UNC13C: variants seen among roughly 807,000 people sequenced by gnomAD.
UNC13C encodes the protein protein unc-13 homolog C.
Under a neutral mutation model 245.4 loss-of-function variants are expected in UNC13C, and 174 were observed. That is an observed-to-expected ratio of 0.71 (90% CI 0.63 to 0.80). The LOEUF (loss-of-function observed/expected upper bound fraction) is 0.80, where lower values mean the gene tolerates loss of function less well. Ranked by LOEUF, UNC13C falls within the 30% of genes least tolerant of loss-of-function variation. The pLI is 0.00. For synonymous variants in UNC13C, 992 were observed against 895.1 expected (o/e 1.11, Z -1.93); for missense variants, 2,829 against 2,602.9 (o/e 1.09, Z -1.89).
chr15:53,876,024 T>TTTTG, the UNC13C span, among the ~76,000 whole-genome samples: 3 of 152,244 alleles, frequency 2.0e-5, no homozygotes, highest in Non-Finnish European at 4.4e-5. Context: ...TCTAAAGTGC[T>TTTTG]TTTGTTTGGT....
chr15:54,394,315 A>G (rs1404591701), intron 18 of UNC13C, among the ~76,000 whole-genome samples: 2 of 151,600 alleles, frequency 1.3e-5, no homozygotes, highest in East Asian at 3.9e-4. Context: ...TTGCCCTTTC[A>G]CTTTCTTCTC....
chr15:53,866,697 T>C, the UNC13C span, among the ~76,000 whole-genome samples: 1 of 152,224 alleles, frequency 6.6e-6, no homozygotes, highest in Admixed American at 6.5e-5. Context: ...ACATTGAAGC[T>C]ACTGCAAAGC....
At chr15:54,141,467 C>A (rs774831164) in intron 2 of UNC13C, among the ~76,000 whole-genome samples, 50 of 151,916 alleles carry the variant, frequency 3.3e-4, no homozygotes, top group Non-Finnish European at 4.1e-4. Flanking sequence ...GACTGTAATA[C>A]TATATGTAAT....
At chr15:54,480,834 C>T (rs1741608836) in intron 19 of UNC13C, among the ~76,000 whole-genome samples, 1 of 152,118 alleles carries the variant, frequency 6.6e-6, no homozygotes, top group Non-Finnish European at 1.5e-5. Context: ...GTAACAGTCA[C>T]TTTTTCTAAT....
At chr15:53,848,125 A>C in the UNC13C span, among the ~76,000 whole-genome samples, 543 of 152,072 alleles carry the variant, frequency 3.6e-3, 12 homozygotes, top group East Asian at 7.2e-3. Flanking sequence ...CAGTCTAACT[A>C]GTGGTTTATA....
intron 4 of UNC13C, among the ~76,000 whole-genome samples, chr15:54,163,553 G>A (rs1469636842): frequency 2.0e-5 from 3 of 152,016 alleles, no homozygotes; most frequent in African/African-American, 7.2e-5. Context: ...AACACCCACT[G>A]TACTTCTTTT....
chr15:54,014,269 C>G lies in UNC13C; in HGVS notation c.1366C>G (p.Leu456Val). Reference protein sequence around the residue: ...WQSPDDSDEDLESDLNRNSYA... With the variant: ...WQSPDDSDEDVESDLNRNSYA... The stretch of plus-strand genomic sequence containing the variant: ...GTCACCTGATGACAGTGATGAAGAT[C>G]TTGAATCTGACCTCAATAGAAACAG... Residue 456 changes from leucine (L) to valine (V), a missense_variant, in exon 2 of 33, where the codon CTT becomes GTT. Leu to Val is a conservative substitution (Grantham distance 32, BLOSUM62 1). Transcript: ENST00000260323. 1.2e-6 allele frequency: 2 copies of G among 1,613,898 alleles called. No individual in the cohort carries two copies. Among genetic ancestry groups the G allele is most frequent in the Non-Finnish European group, 1.7e-6 (2 of 1,179,836 alleles).
intron 32 of UNC13C, among the ~76,000 whole-genome samples, chr15:54,626,307 ATG>A (rs1566947239): frequency 3.1e-5 from 1 of 31,794 alleles, no homozygotes; most frequent in Non-Finnish European, 1.2e-4. Flanking sequence ...TTTACTCTGG[ATG>A]GAGATTTGTA....
At chr15:53,993,409 A>G (rs1302969582) in intron 1 of UNC13C, among the ~76,000 whole-genome samples, 1 of 152,134 alleles carries the variant, frequency 6.6e-6, no homozygotes, top group Non-Finnish European at 1.5e-5. Flanking sequence ...GAGTGAGTCA[A>G]CTATGAACTC....
intron 17 of UNC13C, among the ~76,000 whole-genome samples, chr15:54,367,029 G>A (rs1295702985): frequency 6.6e-6 from 1 of 152,108 alleles, no homozygotes; most frequent in Non-Finnish European, 1.5e-5. Context: ...ACCTTATGAT[G>A]CATGTAATTT....
intron 19 of UNC13C, among the ~76,000 whole-genome samples, chr15:54,420,936 A>G (rs191858074): frequency 1.1e-4 from 17 of 152,178 alleles, no homozygotes; most frequent in African/African-American, 4.1e-4. Context: ...TTCATTTCAG[A>G]ACAGTGGTTT....
At position 54,015,474 on chromosome 15, in the gene UNC13C, T is replaced by C. The variant is rs1489827194; in HGVS notation, c.2571T>C (p.Tyr857=). ...TLDSDVYTEP[Y]YYKAEDEEDY... ...ACTCTGATGTCTACACGGAGCCCTA[T>C]TACTATAAAGCAGAGGATGAGGAAG... is the stretch of plus-strand genomic sequence containing the variant. Residue 857 remains tyrosine (Y), a synonymous_variant, in exon 2 of 33, where the codon TAT becomes TAC. Coordinates refer to ENST00000260323, the MANE Select transcript of UNC13C (RefSeq NM_001080534.3). The C allele has an allele frequency of 1.2e-6, 2 of 1,613,268 alleles. No homozygotes were observed. The highest frequency in any genetic ancestry group is 1.7e-6 in the Non-Finnish European group (2 of 1,179,622).
the UNC13C span, among the ~76,000 whole-genome samples, chr15:53,936,658 C>A: frequency 1.3e-5 from 2 of 152,130 alleles, no homozygotes; most frequent in African/African-American, 4.8e-5. Context: ...GACAGAGCTC[C>A]CAGAGGAAGG....
At chr15:54,379,793 C>G (rs2039681704) in intron 17 of UNC13C, among the ~76,000 whole-genome samples, 1 of 152,120 alleles carries the variant, frequency 6.6e-6, no homozygotes, top group Admixed American at 6.6e-5. Context: ...TTTACATTCT[C>G]TGTATAAGTT....
chr15:53,978,324 T>G (rs1380928034), upstream of UNC13C, among the ~76,000 whole-genome samples: 1 of 151,892 alleles, frequency 6.6e-6, no homozygotes, highest in Non-Finnish European at 1.5e-5. Context: ...GTGCGTCTCC[T>G]GTGAGCAGGG....
At chr15:54,552,931 T>C (rs1173808925) in intron 28 of UNC13C, among the ~76,000 whole-genome samples, 5 of 97,636 alleles carry the variant, frequency 5.1e-5, no homozygotes, top group Non-Finnish European at 9.0e-5. Context: ...GTATTCTATA[T>C]TACATTATAT....
intron 8 of UNC13C, among the ~76,000 whole-genome samples, chr15:54,256,984 A>C (rs1487257592): frequency 6.6e-6 from 1 of 152,228 alleles, no homozygotes; most frequent in African/African-American, 2.4e-5. Context: ...GTCCAAGGAA[A>C]GAACAATGTA....
chr15:54,263,249 C>T (rs1038564230), intron 8 of UNC13C, among the ~76,000 whole-genome samples: 1 of 152,110 alleles, frequency 6.6e-6, no homozygotes, highest in African/African-American at 2.4e-5. Context: ...TTGATTTTAG[C>T]AGTGGCAGTT....
the UNC13C span, among the ~76,000 whole-genome samples, chr15:53,951,073 T>C: frequency 6.6e-6 from 1 of 152,254 alleles, no homozygotes; most frequent in East Asian, 1.9e-4. Context: ...ATATGAGCAG[T>C]AAATTCATAT....
Sources: allele counts gnomAD v4.1 joint callset (sites outside exome capture counted in the v4.1 genomes callset), GRCh38; gene constraint gnomAD v4.1.1; transcripts MANE v1.5; gene names NCBI Gene and HGNC (gene_info 2026-07-23, HGNC 2026-07-21).